Variants in MTERF3 observed in about 807,000 individuals in gnomAD.
MTERF3 encodes the protein transcription termination factor 3, mitochondrial.
A neutral mutation model predicts 40.5 loss-of-function variants in MTERF3; 40 were observed. That is an observed-to-expected ratio of 0.99 (90% CI 0.77 to 1.29). The LOEUF (loss-of-function observed/expected upper bound fraction) is 1.29, where lower values mean the gene tolerates loss of function less well. Among genes scored for constraint, MTERF3 ranks in the 50% most tolerant of loss-of-function variants. MTERF3 has a pLI of 0.00. For synonymous variants in MTERF3, 158 were observed against 166.6 expected (o/e 0.95, Z 0.40); for missense variants, 452 against 478.2 (o/e 0.95, Z 0.51).
rs1586163627 is a variant in MTERF3, at chr8:96,244,150, A to G, written c.898-70T>C. The G allele has an allele frequency of 2.2e-6, 3 of 1,390,826 alleles. No individual in the cohort carries two copies. In the East Asian group the frequency reaches 7.1e-5, roughly 33 times the overall value. The allele number at this position is 1,390,826 out of a possible 1,614,324, so 86.2% of individuals were successfully genotyped here. A position where few individuals can be genotyped will look rare whatever the true frequency, so the allele number is the denominator to read the frequency against. ...TATTTTGGTACCATGGCAAGGCTGC[A>G]CTGATTTTTTTTTTTTTTGAGATGG... On this transcript the variant is annotated intron_variant, in intron 6 of 7. Transcript: ENST00000287025.
intron 3 of MTERF3, 44 bp downstream of exon 3, chr8:96,256,918 T>G: frequency 6.5e-7 from 1 of 1,534,648 alleles, no homozygotes; most frequent in South Asian, 1.2e-5. Context: ...AAAAAAGTAA[T>G]GAAGAGTACA....
At position 96,245,864 on chromosome 8, in the gene MTERF3, A is replaced by G. The variant is rs763615774; in HGVS notation, c.893T>C (p.Met298Thr). Residue 298 changes from methionine (M) to threonine (T), a missense_variant, in exon 6 of 8, where the codon ATG becomes ACG. Met to Thr is a moderately conservative substitution (Grantham distance 81). Transcript: ENST00000287025. ...AAAAGCCTAAAGTTGTCCTACCTTCATATTTTCTTTCACGGGTTCCAGACT... is the reference window on the plus strand; with the variant it reads ...AAAAGCCTAAAGTTGTCCTACCTTCGTATTTTCTTTCACGGGTTCCAGACT... The part of the protein sequence containing the change: ...TGSLEPVKEN[M>T]KVYRLELGFK... The G allele has an allele frequency of 6.8e-6, 11 of 1,613,542 alleles. No homozygotes were observed. In the South Asian group the frequency reaches 1.1e-4, roughly 16 times the overall value.
intron 4 of MTERF3, among the ~76,000 whole-genome samples, chr8:96,246,982 T>A (rs1810033781): frequency 6.6e-6 from 1 of 152,112 alleles, no homozygotes; most frequent in African/African-American, 2.4e-5. Flanking sequence ...TCTTCTATTC[T>A]TTTCTTTTCA....
chr8:96,247,104 C>G (rs1352543658), intron 4 of MTERF3, among the ~76,000 whole-genome samples: 1 of 152,110 alleles, frequency 6.6e-6, no homozygotes, highest in Non-Finnish European at 1.5e-5. Flanking sequence ...TCCCAAGTAG[C>G]TGGGATTACA....
At chr8:96,255,513 C>T (rs191100635) in intron 3 of MTERF3, among the ~76,000 whole-genome samples, 99 of 152,034 alleles carry the variant, frequency 6.5e-4, no homozygotes, top group African/African-American at 2.2e-3. Context: ...GTGGCACGTG[C>T]TTGTAATCTC....
chr8:96,250,193 T>G (rs1427913285), intron 4 of MTERF3, among the ~76,000 whole-genome samples: 1 of 152,036 alleles, frequency 6.6e-6, no homozygotes, highest in East Asian at 1.9e-4. Flanking sequence ...CGGAAATGAT[T>G]AAGCAAATTA....
At chr8:96,260,689 G>C (rs1052163369) in intron 1 of MTERF3, among the ~76,000 whole-genome samples, 1 of 152,124 alleles carries the variant, frequency 6.6e-6, no homozygotes, top group African/African-American at 2.4e-5. Context: ...AAAGATCTTT[G>C]TGCATACAAC....
At chr8:96,244,215 T>G in intron 6 of MTERF3, 135 bp from the exon 7 acceptor site, 1 of 650,600 alleles carries the variant, frequency 1.5e-6, no homozygotes, top group Non-Finnish European at 2.6e-6. Flanking sequence ...AGTGGCATGA[T>G]CTCCTGCCTC....
chr8:96,249,934 G>A (rs1240192489), intron 4 of MTERF3, among the ~76,000 whole-genome samples: 1 of 152,168 alleles, frequency 6.6e-6, no homozygotes, highest in Non-Finnish European at 1.5e-5. Flanking sequence ...GTGAATCTGG[G>A]AATACAGACT....
chr8:96,246,955 G>A (rs1367804801), intron 4 of MTERF3, among the ~76,000 whole-genome samples: 1 of 151,542 alleles, frequency 6.6e-6, no homozygotes, highest in Non-Finnish European at 1.5e-5. Flanking sequence ...TATATTTACT[G>A]AGCCCCTCCC....
At chr8:96,250,533 A>G (rs1367017226) in intron 4 of MTERF3, among the ~76,000 whole-genome samples, 1 of 148,230 alleles carries the variant, frequency 6.7e-6, no homozygotes, top group East Asian at 2.0e-4. Flanking sequence ...CAATGTGGCG[A>G]AACCCCATCT....
chr8:96,246,538 T>C (rs1057391814), intron 4 of MTERF3, 84 bp from the exon 5 acceptor site: 6 of 1,248,874 alleles, frequency 4.8e-6, no homozygotes, highest in Non-Finnish European at 6.4e-6. Context: ...CTTCCCAAAG[T>C]AACAGCTGTT....
At chr8:96,251,989 G>A (rs992019416) in intron 3 of MTERF3, among the ~76,000 whole-genome samples, 3 of 152,144 alleles carry the variant, frequency 2.0e-5, no homozygotes, top group Admixed American at 6.5e-5. Context: ...AGAAGTCTTT[G>A]CTGTGCTGTT....
intron 4 of MTERF3, among the ~76,000 whole-genome samples, chr8:96,249,762 G>A (rs1411744474): frequency 6.6e-6 from 1 of 152,210 alleles, no homozygotes; most frequent in African/African-American, 2.4e-5. Flanking sequence ...ATGGGGAACT[G>A]AGGCAAAATA....
intron 7 of MTERF3, among the ~76,000 whole-genome samples, chr8:96,242,705 C>T (rs898574496): frequency 6.6e-6 from 1 of 152,130 alleles, no homozygotes; most frequent in Non-Finnish European, 1.5e-5. Context: ...ATTCTCCTAC[C>T]GCTTCTAAAT....
Position 96,246,370 on chromosome 8 carries a change from T to C in MTERF3, c.762A>G (p.Ser254=). 4 of 1,613,010 alleles carry C rather than the reference T, an allele frequency of 2.5e-6. No individual in the cohort carries two copies. Among genetic ancestry groups the C allele is most frequent in the Non-Finnish European group, 3.4e-6 (4 of 1,179,800 alleles). ...VRKAPFLLNF[S]VERLDNRLGF... ...CCAATCTGTTATCCAGTCTTTCCAC[T>C]GAAAAGTTCAGCAAAAATGGTGCTT... Residue 254 remains serine, a synonymous_variant, in exon 5 of 8, where the codon TCA becomes TCG. Transcript: ENST00000287025.
chr8:96,247,169 C>T (rs938059995), intron 4 of MTERF3, among the ~76,000 whole-genome samples: 1 of 152,084 alleles, frequency 6.6e-6, no homozygotes, highest in Non-Finnish European at 1.5e-5. Context: ...GACGGGGTTT[C>T]ACCATGTTGA....
intron 4 of MTERF3, among the ~76,000 whole-genome samples, chr8:96,250,681 A>AAGAAGAAGAAGAAGAAGAAGGAGGAGG (rs1195195158): frequency 4.3e-5 from 1 of 23,290 alleles, no homozygotes; most frequent in African/African-American, 1.8e-4. Flanking sequence ...GAAGAAGAAG[A>AAGAAGAAGAAGAAGAAGAAGGAGGAGG]AGGAGGAGGA....
At chr8:96,255,232 G>A (rs1454358706) in intron 3 of MTERF3, among the ~76,000 whole-genome samples, 1 of 152,180 alleles carries the variant, frequency 6.6e-6, no homozygotes, top group East Asian at 1.9e-4. Context: ...ACCTAAACAA[G>A]GTAGTGACTG....
Sources: gnomAD v4.1 joint callset for allele counts (sites outside exome capture counted in the v4.1 genomes callset) on GRCh38, gnomAD v4.1.1 for gene constraint, MANE v1.5 for transcripts, NCBI Gene and HGNC (gene_info 2026-07-23, HGNC 2026-07-21) for gene names.